Variants in CDH18 observed in about 807,000 individuals in gnomAD.
CDH18 encodes the protein cadherin 18.
In CDH18, 31 loss-of-function variants were observed where a neutral mutation model predicts 67.9. The observed-to-expected ratio is 0.46, with a 90% CI of 0.34 to 0.62. CDH18 has a LOEUF of 0.62. Among genes scored for constraint, CDH18 ranks in the 20% least tolerant of loss-of-function variants. CDH18 has a pLI of 0.01. For missense variants in CDH18, 890 were observed against 975.5 expected (o/e 0.91, Z 1.17); for synonymous variants, 362 against 347.2 (o/e 1.04, Z -0.48).
At chr5:19,748,077 C>T (rs1230235459) in intron 3 of CDH18, among the ~76,000 whole-genome samples, 1 of 113,386 alleles carries the variant, frequency 8.8e-6, no homozygotes, top group Non-Finnish European at 1.7e-5. Flanking sequence ...CGCGCCACTG[C>T]ACTCCAGGCT....
chr5:19,900,572 C>T (rs1789837894), intron 2 of CDH18, among the ~76,000 whole-genome samples: 1 of 152,026 alleles, frequency 6.6e-6, no homozygotes, highest in Admixed American at 6.6e-5. Flanking sequence ...TACATATGTA[C>T]ACTTATGTGT....
intron 2 of CDH18, among the ~76,000 whole-genome samples, chr5:20,205,679 G>T (rs965795999): frequency 6.6e-6 from 1 of 151,722 alleles, no homozygotes; most frequent in South Asian, 2.1e-4. Flanking sequence ...TGACAACAAT[G>T]AAACAAAACT....
intron 3 of CDH18, among the ~76,000 whole-genome samples, chr5:19,791,692 T>G (rs557398702): frequency 3.6e-4 from 55 of 152,292 alleles, no homozygotes; most frequent in African/African-American, 1.3e-3. Flanking sequence ...CAACTGGCTT[T>G]CAGTTACAGA....
chr5:20,002,994 T>G (rs1027387672), intron 2 of CDH18, among the ~76,000 whole-genome samples: 1 of 151,804 alleles, frequency 6.6e-6, no homozygotes, highest in African/African-American at 2.4e-5. Context: ...CTATTGGGTG[T>G]GTTTCCTGCT....
chr5:19,630,375 C>A (rs1423893533), intron 5 of CDH18, among the ~76,000 whole-genome samples: 2 of 152,128 alleles, frequency 1.3e-5, no homozygotes, highest in African/African-American at 4.8e-5. Context: ...GAACTAATAT[C>A]TGATATATAA....
Position 19,870,329 on chromosome 5 carries a change from A to T in CDH18, c.-256-31087T>A, listed in dbSNP as rs138595844. Among the ~76,000 whole-genome samples, 39 of 152,222 alleles carry T rather than the reference A, an allele frequency of 2.6e-4. No homozygotes were observed. In the East Asian group the frequency reaches 5.8e-3, roughly 23 times the overall value. On this transcript the variant is annotated intron_variant, in intron 2 of 12. Transcript: ENST00000382275. Reference sequence around the variant, plus strand: ...TTACACATGTATTTTGTTGCTCTAAACTTGTTCTACTTTATGCTATCCTAA... The same window carrying T: ...TTACACATGTATTTTGTTGCTCTAATCTTGTTCTACTTTATGCTATCCTAA...
intron 2 of CDH18, among the ~76,000 whole-genome samples, chr5:20,135,705 T>C (rs1314675972): frequency 1.3e-5 from 2 of 152,198 alleles, no homozygotes; most frequent in African/African-American, 2.4e-5. Flanking sequence ...TTTAGATCTT[T>C]CCTGCTTTCT....
At chr5:19,680,501 G>A (rs1458755194) in intron 5 of CDH18, among the ~76,000 whole-genome samples, 1 of 151,894 alleles carries the variant, frequency 6.6e-6, no homozygotes, top group East Asian at 1.9e-4. Flanking sequence ...TATATAATTT[G>A]ATAAATATTT....
At chr5:19,681,702 G>A (rs1027424761) in intron 5 of CDH18, among the ~76,000 whole-genome samples, 8 of 151,906 alleles carry the variant, frequency 5.3e-5, no homozygotes, top group Non-Finnish European at 1.0e-4. Flanking sequence ...CTGAGAGAGA[G>A]AGATAATCTT....
In CDH18 at chr5:19,719,957, G is replaced by GAAAGA. The variant is rs869259013; in HGVS notation, c.643+1389_643+1390insTCTTT. 1.9e-3 allele frequency among the ~76,000 whole-genome samples: 289 copies of GAAAGA among 149,508 alleles called. 3 individuals carry two copies. Among genetic ancestry groups the GAAAGA allele is most frequent in the African/African-American group, 6.7e-3 (273 of 40,740 alleles). On this transcript the variant is annotated intron_variant, in intron 5 of 12. Transcript: ENST00000382275. ...AGAAAGAAAGAAAGAAAGAAAGAAA[G>GAAAGA]AAGGAAAGAGTTAAGCAAGTATGTC...
At chr5:20,175,676 C>T (rs745807356) in intron 2 of CDH18, among the ~76,000 whole-genome samples, 8 of 152,090 alleles carry the variant, frequency 5.3e-5, no homozygotes, top group Non-Finnish European at 7.4e-5. Context: ...AACTGAGGAA[C>T]TTGGAGTCCT....
intron 3 of CDH18, among the ~76,000 whole-genome samples, chr5:19,811,295 G>A (rs1422546593): frequency 6.6e-6 from 1 of 152,096 alleles, no homozygotes; most frequent in African/African-American, 2.4e-5. Flanking sequence ...CTTATTAAGA[G>A]ATAGGGTCTT....
intron 2 of CDH18, among the ~76,000 whole-genome samples, chr5:19,969,465 C>T (rs1797809319): frequency 6.7e-6 from 1 of 150,066 alleles, no homozygotes; most frequent in African/African-American, 2.5e-5. Flanking sequence ...CAATGATAGA[C>T]TGGATTAAGA....
rs1737655606 is a variant in CDH18, at chr5:19,471,577, TG to T, written c.*1648del. Among the ~76,000 whole-genome samples, 1 of 150,498 alleles carries T rather than the reference TG, an allele frequency of 6.6e-6. No homozygotes were observed. Among genetic ancestry groups the T allele is most frequent in the Non-Finnish European group, 1.5e-5 (1 of 67,336 alleles). Reference sequence around the variant, plus strand: ...ATGTATTTAAGAATTTCAATATTTCTGAAATATATAGATGTGGCCAGTTTTA... The same window carrying T: ...ATGTATTTAAGAATTTCAATATTTCTAAATATATAGATGTGGCCAGTTTTA... On this transcript the variant is annotated 3_prime_UTR_variant, in exon 13 of 13. Coordinates refer to ENST00000382275, the MANE Select transcript of CDH18 (RefSeq NM_004934.5).
chr5:19,689,281 G>A (rs1174983417), intron 5 of CDH18, among the ~76,000 whole-genome samples: 2 of 151,924 alleles, frequency 1.3e-5, no homozygotes, highest in African/African-American at 4.8e-5. Context: ...AAAGAGCAGG[G>A]TGTCTTGTTA....
At chr5:20,457,482 T>A (rs1188631854) in intron 1 of CDH18, among the ~76,000 whole-genome samples, 3 of 152,248 alleles carry the variant, frequency 2.0e-5, no homozygotes, top group Non-Finnish European at 1.5e-5. Flanking sequence ...AAAAAGTAAC[T>A]AAGTAACCCA....
chr5:20,278,200 T>C (rs570864808), intron 1 of CDH18, among the ~76,000 whole-genome samples: 21 of 152,158 alleles, frequency 1.4e-4, no homozygotes, highest in African/African-American at 4.8e-4. Flanking sequence ...ATAAACTATG[T>C]CAAGATATTT....
chr5:19,562,724 C>T (rs145287997), intron 8 of CDH18, among the ~76,000 whole-genome samples: 1,557 of 152,184 alleles, frequency 0.01, 28 homozygotes, highest in African/African-American at 0.032. Flanking sequence ...AATATTTAAT[C>T]ATTTATTTCC....
intron 12 of CDH18, among the ~76,000 whole-genome samples, chr5:19,475,285 A>T (rs1320613506): frequency 6.6e-6 from 1 of 151,706 alleles, no homozygotes; most frequent in Non-Finnish European, 1.5e-5. Context: ...ATCTTAAATC[A>T]AAAATGCATT....
Sources: allele counts gnomAD v4.1 joint callset (sites outside exome capture counted in the v4.1 genomes callset), GRCh38; gene constraint gnomAD v4.1.1; transcripts MANE v1.5; gene names NCBI Gene and HGNC (gene_info 2026-07-23, HGNC 2026-07-21).